NXPE2: variants seen among roughly 807,000 people sequenced by gnomAD.
NXPE2 encodes the protein neurexophilin and PC-esterase domain family member 2.
A neutral mutation model predicts 34.4 loss-of-function variants in NXPE2; 34 were observed. The observed-to-expected ratio is 0.99, with a 90% confidence interval of 0.75 to 1.31. The LOEUF is 1.31. NXPE2 is among the 40% of genes most tolerant of loss of function. The pLI is 0.00. For missense variants in NXPE2, 649 were observed against 672.5 expected (o/e 0.97, Z 0.39); for synonymous variants, 235 against 231.3 (o/e 1.02, Z -0.15).
chr11:114,696,831 A>C (rs1362821861), intron 2 of NXPE2, among the ~76,000 whole-genome samples: 1 of 152,214 alleles, frequency 6.6e-6, no homozygotes, highest in Non-Finnish European at 1.5e-5. Context: ...AATCTACTAA[A>C]TATATATTCC....
chr11:114,609,373 C>T, the NXPE2 span, among the ~76,000 whole-genome samples: 11 of 151,806 alleles, frequency 7.2e-5, no homozygotes, highest in East Asian at 1.8e-3. Context: ...CACCGTTACC[C>T]GGTGGATAAT....
At chr11:114,555,231 A>AT in the NXPE2 span, among the ~76,000 whole-genome samples, 2,254 of 149,962 alleles carry the variant, frequency 0.015, 52 homozygotes, top group African/African-American at 0.049. Context: ...AGAATACATG[A>AT]TTTTTTTTTT....
the NXPE2 span, among the ~76,000 whole-genome samples, chr11:114,752,902 A>G: frequency 6.6e-6 from 1 of 152,222 alleles, no homozygotes; most frequent in East Asian, 1.9e-4. Context: ...ATGATACTGG[A>G]TAAGAAGACC....
At chr11:114,489,612 G>A in the NXPE2 span, among the ~76,000 whole-genome samples, 1 of 152,206 alleles carries the variant, frequency 6.6e-6, no homozygotes, top group African/African-American at 2.4e-5. Context: ...AAAACCACAT[G>A]ATTGTCTCAA....
chr11:114,569,702 G>C, the NXPE2 span, among the ~76,000 whole-genome samples: 2 of 152,064 alleles, frequency 1.3e-5, no homozygotes, highest in African/African-American at 4.8e-5. Context: ...CCACTGCAGC[G>C]TCAAACCCCT....
chr11:114,497,113 C>T, the NXPE2 span, among the ~76,000 whole-genome samples: 1 of 152,002 alleles, frequency 6.6e-6, no homozygotes, highest in South Asian at 2.1e-4. Flanking sequence ...GGAGATGACC[C>T]CCCCATGTTA....
chr11:114,534,726 G>A, the NXPE2 span, among the ~76,000 whole-genome samples: 1 of 152,190 alleles, frequency 6.6e-6, no homozygotes, highest in Non-Finnish European at 1.5e-5. Context: ...ATGAAGAGAA[G>A]TTTGGAGAAA....
chr11:114,563,178 TA>T, the NXPE2 span, among the ~76,000 whole-genome samples: 1 of 152,064 alleles, frequency 6.6e-6, no homozygotes, highest in East Asian at 1.9e-4. Context: ...TTTCTGGAAG[TA>T]GGAATATTAG....
At chr11:114,617,704 A>G in the NXPE2 span, among the ~76,000 whole-genome samples, 1 of 152,164 alleles carries the variant, frequency 6.6e-6, no homozygotes, top group East Asian at 1.9e-4. Context: ...CCTCGTGGGT[A>G]ACCACTGTTA....
the NXPE2 span, among the ~76,000 whole-genome samples, chr11:114,565,829 G>GTTT: frequency 6.6e-6 from 1 of 152,130 alleles, no homozygotes; most frequent in Admixed American, 6.6e-5. Context: ...AAGATTATGA[G>GTTT]CAAAAGATCA....
chr11:114,629,750 A>G, the NXPE2 span, among the ~76,000 whole-genome samples: 11 of 151,568 alleles, frequency 7.3e-5, no homozygotes, highest in East Asian at 1.5e-3. Flanking sequence ...TGCAGACGAC[A>G]TGATTGTATA....
At chr11:114,790,868 G>C in the NXPE2 span, among the ~76,000 whole-genome samples, 1 of 151,606 alleles carries the variant, frequency 6.6e-6, no homozygotes, top group East Asian at 1.9e-4. Context: ...TGTCCCTGAA[G>C]AGTCCCCCAG....
chr11:114,475,877 C>G, the NXPE2 span, among the ~76,000 whole-genome samples: 1 of 152,320 alleles, frequency 6.6e-6, no homozygotes, highest in East Asian at 1.9e-4. Flanking sequence ...CAACTACACA[C>G]TTGGCCATCT....
the NXPE2 span, among the ~76,000 whole-genome samples, chr11:114,635,512 G>A: frequency 6.6e-6 from 1 of 152,108 alleles, no homozygotes; most frequent in Non-Finnish European, 1.5e-5. Flanking sequence ...ATGAATAGGA[G>A]TGGTGAGAGA....
chr11:114,725,976 A>AAAAATATATAT, the NXPE2 span, among the ~76,000 whole-genome samples: 1 of 101,766 alleles, frequency 9.8e-6, no homozygotes, highest in African/African-American at 3.4e-5. Flanking sequence ...ATAAAAAAAA[A>AAAAATATATAT]ATATATATAT....
the NXPE2 span, chr11:114,580,021 G>T: frequency 3.2e-6 from 3 of 935,676 alleles, no homozygotes; most frequent in African/African-American, 1.6e-5. Flanking sequence ...TTGGTGTGTT[G>T]TGATTGAAGA....
the NXPE2 span, among the ~76,000 whole-genome samples, chr11:114,588,514 C>A: frequency 3.3e-5 from 5 of 151,906 alleles, no homozygotes; most frequent in African/African-American, 1.2e-4. Context: ...CAAAGATGAG[C>A]AATATGTCTC....
the NXPE2 span, among the ~76,000 whole-genome samples, chr11:114,546,998 A>G: frequency 0.014 from 2,081 of 152,336 alleles, 51 homozygotes; most frequent in African/African-American, 0.048. Flanking sequence ...AAGGGATAAT[A>G]GACAAATCTC....
At chr11:114,618,394 G>T in the NXPE2 span, among the ~76,000 whole-genome samples, 1 of 151,964 alleles carries the variant, frequency 6.6e-6, no homozygotes, top group Admixed American at 6.6e-5. Flanking sequence ...TTACCCAGTG[G>T]ATAATAAGTA....
Sources: allele counts gnomAD v4.1 joint callset (sites outside exome capture counted in the v4.1 genomes callset), GRCh38; gene constraint gnomAD v4.1.1; transcripts MANE v1.5; gene names NCBI Gene and HGNC (gene_info 2026-07-23, HGNC 2026-07-21).